The following SLC25A31 variants were observed in gnomAD, a reference collection of about 807,000 sequenced individuals.
The protein encoded by SLC25A31 is solute carrier family 25 member 31, also known as ADP/ATP translocase 4.
SLC25A31 carries 40 observed loss-of-function variants against 36.2 expected under a neutral mutation model. The observed-to-expected ratio is 1.10, with a 90% CI of 0.86 to 1.44. The LOEUF (loss-of-function observed/expected upper bound fraction) is 1.44. Among genes scored for constraint, SLC25A31 ranks in the 40% most tolerant of loss-of-function variants. The pLI is 0.00. For missense variants in SLC25A31, 350 were observed against 397.1 expected, an observed-to-expected ratio of 0.88 and a Z score of 1.01; for synonymous variants, 143 against 149.7, an observed-to-expected ratio of 0.96 and a Z score of 0.32.
At chr4:127,740,774 A>C (rs2148754690) in intron 1 of SLC25A31, among the ~76,000 whole-genome samples, 1 of 152,344 alleles carries the variant, frequency 6.6e-6, no homozygotes, top group Non-Finnish European at 1.5e-5. Context: ...CTGCCAATGC[A>C]GGTGAGCAGG....
intron 4 of SLC25A31, 139 bp downstream of exon 4, chr4:127,767,359 T>C: frequency 1.2e-6 from 1 of 841,566 alleles, no homozygotes; most frequent in Non-Finnish European, 1.7e-6. Flanking sequence ...GAAATTCTGC[T>C]TAATCATGAT....
At chr4:127,732,122 A>C (rs1248620782) in intron 1 of SLC25A31, among the ~76,000 whole-genome samples, 1 of 152,256 alleles carries the variant, frequency 6.6e-6, no homozygotes, top group Non-Finnish European at 1.5e-5. Context: ...GTTGGATTCA[A>C]TAGAAAAATC....
At chr4:127,735,913 G>A (rs1485348408) in intron 1 of SLC25A31, among the ~76,000 whole-genome samples, 2 of 123,228 alleles carry the variant, frequency 1.6e-5, no homozygotes, top group Admixed American at 9.3e-5. Context: ...TTTTTGAGAC[G>A]GAGTCTCGCT....
rs1011757267 is a variant in SLC25A31, at chr4:127,751,905, A to G, written c.360+7106A>G. ...CACCAGTTAGAATGGCAATCATTAA[A>G]AAGTCAGGAAACAACAGGTGCTGGA... On this transcript the variant is annotated intron_variant, in intron 2 of 5. Coordinates refer to ENST00000281154, the MANE Select transcript of SLC25A31 (RefSeq NM_031291.4). 7.0e-3 allele frequency among the ~76,000 whole-genome samples: 1,060 copies of G among 152,226 alleles called. 13 individuals carry two copies. The highest frequency in any genetic ancestry group is 0.013 in the Non-Finnish European group (887 of 67,966).
At chr4:127,736,717 G>A (rs949386321) in intron 1 of SLC25A31, among the ~76,000 whole-genome samples, 1 of 151,970 alleles carries the variant, frequency 6.6e-6, no homozygotes, top group African/African-American at 2.4e-5. Context: ...TATCTGATAC[G>A]GTAGTTGTGA....
intron 2 of SLC25A31, among the ~76,000 whole-genome samples, chr4:127,759,431 C>T (rs914013209): frequency 2.0e-5 from 3 of 152,006 alleles, no homozygotes; most frequent in African/African-American, 7.2e-5. Flanking sequence ...TTTGACTTCC[C>T]CTTTTCCTAT....
Position 127,747,351 on chromosome 4 carries a change from G to C in SLC25A31, c.360+2552G>C, listed in dbSNP as rs563064460. 3.9e-5 allele frequency among the ~76,000 whole-genome samples: 6 copies of C among 152,214 alleles called. No individual in the cohort carries two copies. In the South Asian group the frequency reaches 1.2e-3, roughly 32 times the overall value. On this transcript the variant is annotated intron_variant, in intron 2 of 5. Transcript: ENST00000281154. ...AGCATTGAATCTGTAAATTGCTTTG[G>C]GAAATATGACCATTTTAATGATATT...
chr4:127,743,633 A>G (rs1369194036), intron 1 of SLC25A31, among the ~76,000 whole-genome samples: 1 of 152,222 alleles, frequency 6.6e-6, no homozygotes, highest in Non-Finnish European at 1.5e-5. Context: ...GGAGTCAGCT[A>G]TGAGTACTGA....
chr4:127,764,485 A>C (rs1347712642), intron 3 of SLC25A31, 125 bp downstream of exon 3: 1 of 730,288 alleles, frequency 1.4e-6, no homozygotes, highest in Non-Finnish European at 2.2e-6. Context: ...TCTCAACCAA[A>C]TGGTGGAGTC....
At chr4:127,740,002 A>G (rs568044261) in intron 1 of SLC25A31, among the ~76,000 whole-genome samples, 13 of 151,642 alleles carry the variant, frequency 8.6e-5, no homozygotes, top group East Asian at 1.9e-4. Context: ...TCTATTTTCA[A>G]CCTTCTTTTA....
chr4:127,765,338 T>C (rs1017829367), intron 3 of SLC25A31, among the ~76,000 whole-genome samples: 1 of 152,212 alleles, frequency 6.6e-6, no homozygotes, highest in African/African-American at 2.4e-5. Flanking sequence ...AGAAAATAGG[T>C]TCAGCTTTTT....
intron 1 of SLC25A31, among the ~76,000 whole-genome samples, chr4:127,742,105 ACT>A (rs1178551796): frequency 2.0e-5 from 3 of 151,978 alleles, no homozygotes; most frequent in African/African-American, 4.8e-5. Context: ...AAAAAAATAA[ACT>A]CTTAGTTTGA....
In SLC25A31 at chr4:127,744,704, A is replaced by G; in HGVS notation, c.265A>G (p.Asn89Asp). The change falls in exon 2 of 6, where the codon AAT becomes GAT. Residue 89 changes from asparagine (N) to aspartate (D), a missense_variant. By Grantham distance (23) the Asn-to-Asp change is conservative (BLOSUM62 1). Transcript: ENST00000281154. ...FFSFWRGNLA[N>D]VIRYFPTQAL... is the part of the protein sequence containing the mutation. ...CAGTTTTTGGCGTGGCAATTTGGCA[A>G]ATGTTATTCGGTATTTTCCAACACA... 1.2e-6 allele frequency: 2 copies of G among 1,603,366 alleles called. No individual in the cohort carries two copies. The highest frequency in any genetic ancestry group is 1.7e-6 in the Non-Finnish European group (2 of 1,174,492).
intron 1 of SLC25A31, among the ~76,000 whole-genome samples, chr4:127,743,797 C>A (rs1181292204): frequency 1.3e-5 from 2 of 152,176 alleles, no homozygotes; most frequent in African/African-American, 4.8e-5. Flanking sequence ...ACTTATCTAA[C>A]TTTGTTCAAT....
chr4:127,763,378 A>G (rs556015176), intron 2 of SLC25A31, among the ~76,000 whole-genome samples: 86 of 152,360 alleles, frequency 5.6e-4, no homozygotes, highest in Middle Eastern at 3.4e-3. Context: ...AATAAAAACC[A>G]GAAAATAAAG....
intron 1 of SLC25A31, 67 bp downstream of exon 1, chr4:127,730,844 T>G (rs1578651651): frequency 6.9e-7 from 1 of 1,458,214 alleles, no homozygotes. Flanking sequence ...GAGAAGAGGG[T>G]GGCTGGGAGG....
intron 3 of SLC25A31, among the ~76,000 whole-genome samples, chr4:127,764,799 C>G (rs1732209887): frequency 6.6e-6 from 1 of 151,300 alleles, no homozygotes; most frequent in South Asian, 2.1e-4. Context: ...TCTTTGGTAA[C>G]TTTTTGAGAA....
Position 127,730,434 on chromosome 4 carries a change from A to G in SLC25A31, c.-112A>G. 4 of 1,181,858 alleles carry G rather than the reference A, an allele frequency of 3.4e-6. No individual in the cohort carries two copies. Among genetic ancestry groups the G allele is most frequent in the Admixed American group, 2.5e-5 (1 of 40,472 alleles). The allele number at this position is 1,181,858 out of a possible 1,614,324, so 73.2% of individuals were successfully genotyped here. ...CGGCTCTCTCAGCGTCCCAAGAGCC[A>G]CTTTCTCGCCAGTACGATGCTGCAG... On this transcript the variant is annotated 5_prime_UTR_variant, in exon 1 of 6. Coordinates refer to ENST00000281154, the MANE Select transcript of SLC25A31 (RefSeq NM_031291.4).
chr4:127,772,969 G>C (rs577381507), intron 5 of SLC25A31, among the ~76,000 whole-genome samples: 2 of 151,996 alleles, frequency 1.3e-5, no homozygotes, highest in African/African-American at 4.8e-5. Flanking sequence ...TTTTTGTTGA[G>C]ATGGCATTTT....
Sources: gnomAD v4.1 joint callset for allele counts (sites outside exome capture counted in the v4.1 genomes callset) on GRCh38, gnomAD v4.1.1 for gene constraint, MANE v1.5 for transcripts, NCBI Gene and HGNC (gene_info 2026-07-23, HGNC 2026-07-21) for gene names.